The following KMT2C variants were observed in gnomAD, a reference collection of about 807,000 sequenced individuals.
The protein encoded by KMT2C is lysine methyltransferase 2C.
Under a neutral mutation model 507.9 loss-of-function variants are expected in KMT2C, and 88 were observed. That is an observed-to-expected ratio of 0.17 (90% confidence interval 0.15 to 0.21). The LOEUF (loss-of-function observed/expected upper bound fraction) is 0.21. KMT2C is among the 10% of genes least tolerant of loss of function. The pLI is 1.00. For missense variants in KMT2C, 4,954 were observed against 5,957.8 expected, an observed-to-expected ratio of 0.83 and a Z score of 5.55; for synonymous variants, 2,049 against 2,080.8, an observed-to-expected ratio of 0.98 and a Z score of 0.42.
At chr7:152,419,356 A>C (rs2097765425) in intron 1 of KMT2C, among the ~76,000 whole-genome samples, 1 of 152,198 alleles carries the variant, frequency 6.6e-6, no homozygotes. Flanking sequence ...GTCTCCAAAA[A>C]AAAAAGTGGG....
intron 3 of KMT2C, among the ~76,000 whole-genome samples, chr7:152,323,505 G>A (rs114433688): frequency 3.0e-3 from 458 of 151,446 alleles, no homozygotes; most frequent in African/African-American, 0.011. Flanking sequence ...CTGGTGTGGT[G>A]AGCACACAAC....
intron 25 of KMT2C, among the ~76,000 whole-genome samples, chr7:152,203,568 G>T (rs1019855770): frequency 2.6e-5 from 4 of 152,098 alleles, no homozygotes; most frequent in Admixed American, 1.3e-4. Flanking sequence ...CGATGAATAT[G>T]CTAATAAATA....
At chr7:152,262,928 T>C (rs2095804140) in intron 9 of KMT2C, 88 bp downstream of exon 9, 8 of 864,018 alleles carry the variant, frequency 9.3e-6, no homozygotes, top group Non-Finnish European at 1.4e-5. Context: ...ATGGTGATGA[T>C]GTACAGATTT....
intron 25 of KMT2C, 23 bp downstream of exon 25, chr7:152,205,083 T>C (rs770930564): frequency 6.5e-7 from 1 of 1,528,186 alleles, no homozygotes; most frequent in Middle Eastern, 1.8e-4. Flanking sequence ...AAAAAAAAAT[T>C]TTTTTTTAAG....
intron 3 of KMT2C, among the ~76,000 whole-genome samples, chr7:152,327,704 C>A (rs370265271): frequency 2.4e-4 from 36 of 152,188 alleles, no homozygotes; most frequent in South Asian, 1.5e-3. Context: ...CACGCCTGTA[C>A]TCCCAACACT....
At chr7:152,183,362 T>G (rs890304995) in intron 34 of KMT2C, among the ~76,000 whole-genome samples, 1 of 152,184 alleles carries the variant, frequency 6.6e-6, no homozygotes, top group African/African-American at 2.4e-5. Flanking sequence ...TGAGGATATA[T>G]TTCTATGTAT....
At chr7:152,323,351 G>A (rs976282608) in intron 3 of KMT2C, among the ~76,000 whole-genome samples, 14 of 151,954 alleles carry the variant, frequency 9.2e-5, no homozygotes, top group Admixed American at 5.2e-4. Flanking sequence ...CTTGAAAAGC[G>A]GGAGGATGGG....
At chr7:152,398,728 T>G (rs913007936) in intron 1 of KMT2C, among the ~76,000 whole-genome samples, 1 of 152,200 alleles carries the variant, frequency 6.6e-6, no homozygotes, top group African/African-American at 2.4e-5. Flanking sequence ...TATGCCCTCC[T>G]GTGCTCTTTA....
chr7:152,333,923 C>T (rs929937679), intron 2 of KMT2C, among the ~76,000 whole-genome samples: 1 of 151,604 alleles, frequency 6.6e-6, no homozygotes, highest in African/African-American at 2.4e-5. Flanking sequence ...CTGTCTATCC[C>T]GAGACAAAAT....
chr7:152,165,519 C>A (rs1316500716), intron 42 of KMT2C, among the ~76,000 whole-genome samples: 1 of 152,102 alleles, frequency 6.6e-6, no homozygotes, highest in East Asian at 1.9e-4. Flanking sequence ...GAAAAGAAAC[C>A]TTTCATTCTG....
chr7:152,295,687 T>C (rs1039825275), intron 6 of KMT2C, among the ~76,000 whole-genome samples: 1 of 152,144 alleles, frequency 6.6e-6, no homozygotes, highest in Non-Finnish European at 1.5e-5. Context: ...AGCAGAAACA[T>C]GCTTCAGAGG....
At chr7:152,236,734 C>T (rs1042706707) in intron 15 of KMT2C, among the ~76,000 whole-genome samples, 17 of 152,162 alleles carry the variant, frequency 1.1e-4, no homozygotes, top group Non-Finnish European at 1.5e-5. Flanking sequence ...CTCCGTCACT[C>T]AGGTTGGAGT....
At chr7:152,411,459 C>G (rs1477493305) in intron 1 of KMT2C, among the ~76,000 whole-genome samples, 1 of 151,010 alleles carries the variant, frequency 6.6e-6, no homozygotes, top group Admixed American at 6.6e-5. Context: ...CCCCCACCCC[C>G]TCAACACACA....
chr7:152,221,699 C>G (rs1359580095), intron 22 of KMT2C, among the ~76,000 whole-genome samples: 2 of 152,076 alleles, frequency 1.3e-5, no homozygotes, highest in Non-Finnish European at 2.9e-5. Flanking sequence ...GCTAACTAGG[C>G]CGTGTTTTCT....
rs2093222473 is a variant in KMT2C, at chr7:152,176,616, G to A, written c.8837C>T (p.Ser2946Phe). The A allele has an allele frequency of 6.2e-7, 1 of 1,614,170 alleles. No homozygotes were observed. The highest frequency in any genetic ancestry group is 1.1e-5 in the South Asian group (1 of 91,084). The stretch of plus-strand genomic sequence containing the variant: ...CAAACTTGACACATGATTGGATGGG[G>A]AGGCCGGCAGAGTTGGTGGTGGTGG... ...GSPPPPTLPASPSNHVSSLPP... is the reference protein window; with the variant it reads ...GSPPPPTLPAFPSNHVSSLPP... Residue 2946 changes from serine (S) to phenylalanine (F), a missense_variant, in exon 38 of 59, where the codon TCC (serine) becomes TTC (phenylalanine). Around this residue, in one of 29 missense-constraint regions of KMT2C, gnomAD observed 1,689 missense variants for 1,654.3 expected, o/e 1.02. Coordinates refer to ENST00000262189, the MANE Select transcript of KMT2C (RefSeq NM_170606.3).
At position 152,264,427 on chromosome 7, in the gene KMT2C, T is replaced by C. The variant is rs775821728; in HGVS notation, c.1184+611A>G. Among the ~76,000 whole-genome samples the C allele has an allele frequency of 4.6e-5, 7 of 152,294 alleles. No homozygotes were observed. The East Asian group carries it at 5.8e-4, about 13-fold the overall frequency. ...GAAATGACCAAGAGATGAAATACCA[T>C]AGGAAAATATAACCCCCTTACAAAT... On this transcript the variant is annotated intron_variant, in intron 8 of 58. Transcript: ENST00000262189.
At chr7:152,250,068 A>G in intron 12 of KMT2C, 115 bp from the exon 13 acceptor site, 1 of 629,694 alleles carries the variant, frequency 1.6e-6, no homozygotes, top group Non-Finnish European at 2.8e-6. Flanking sequence ...TTCCAATATA[A>G]GCATGAAACA....
At chr7:152,265,244 T>C in intron 7 of KMT2C, 35 bp from the exon 8 acceptor site, 1 of 1,607,984 alleles carries the variant, frequency 6.2e-7, no homozygotes, top group Non-Finnish European at 8.5e-7. Flanking sequence ...AATTGTTGTA[T>C]AAGAATTTAA....
At chr7:152,307,463 GT>G (rs2096632202) in intron 6 of KMT2C, among the ~76,000 whole-genome samples, 1 of 152,114 alleles carries the variant, frequency 6.6e-6, no homozygotes, top group Admixed American at 6.5e-5. Context: ...ACTCCTGTGA[GT>G]TTTGAGTGAT....
Sources: allele counts gnomAD v4.1 joint callset (sites outside exome capture counted in the v4.1 genomes callset), GRCh38; gene constraint gnomAD v4.1.1; regional missense constraint gnomAD v4.1.1; transcripts MANE v1.5; gene names NCBI Gene and HGNC (gene_info 2026-07-23, HGNC 2026-07-21).